The following UPP2 variants were observed in gnomAD, a reference collection of about 807,000 sequenced individuals.
UPP2 encodes the protein uridine phosphorylase 2, also known as UPase 2.
Under a neutral mutation model 26.7 loss-of-function variants are expected in UPP2, and 23 were observed. The observed-to-expected ratio is 0.86, with a 90% CI of 0.62 to 1.22. The LOEUF is 1.22. Among genes scored for constraint, UPP2 ranks in the 50% most tolerant of loss-of-function variants. The pLI is 0.00. For synonymous variants in UPP2, 127 were observed against 141.3 expected (o/e 0.90, Z 0.72); for missense variants, 387 against 396.7 (o/e 0.98, Z 0.21).
chr2:158,084,141 T>A (rs372741127), intron 3 of UPP2, among the ~76,000 whole-genome samples: 1 of 152,122 alleles, frequency 6.6e-6, no homozygotes, highest in African/African-American at 2.4e-5. Context: ...ATAAAAGTGC[T>A]CCCTTTTCAC....
At chr2:158,083,865 T>TATATATATATATATATATATATATATA (rs1553467788) in intron 3 of UPP2, among the ~76,000 whole-genome samples, 23 of 118,732 alleles carry the variant, frequency 1.9e-4, no homozygotes, top group African/African-American at 6.7e-4. Flanking sequence ...TATATATGTT[T>TATATATATATATATATATATATATATA]TTTATATATA....
At chr2:158,090,877 A>G (rs1030633494) in intron 3 of UPP2, among the ~76,000 whole-genome samples, 1 of 152,180 alleles carries the variant, frequency 6.6e-6, no homozygotes, top group Non-Finnish European at 1.5e-5. Flanking sequence ...ATTCTGCAGG[A>G]TGTATACACA....
At chr2:158,105,630 T>A (rs1683176562) in intron 1 of UPP2, among the ~76,000 whole-genome samples, 1 of 152,196 alleles carries the variant, frequency 6.6e-6, no homozygotes, top group East Asian at 1.9e-4. Flanking sequence ...GTTGCACAAT[T>A]AGGATATATA....
chr2:158,136,050 A>C lies in UPP2; in HGVS notation c.*1160A>C, dbSNP rs932751886. 15 of 152,308 alleles carry C rather than the reference A, an allele frequency of 9.8e-5. No individual in the cohort carries two copies. Among genetic ancestry groups the C allele is most frequent in the African/African-American group, 3.1e-4 (13 of 41,566 alleles). 9.4% of individuals were successfully genotyped at this position (152,308 alleles called of 1,614,324 possible). ...CAGGAAATAGGTCCTAGGCCGGTTGAGTCTGAATTGGCCTGCTCCTGGGTG... is the reference window on the plus strand; with the variant it reads ...CAGGAAATAGGTCCTAGGCCGGTTGCGTCTGAATTGGCCTGCTCCTGGGTG... On this transcript the variant is annotated 3_prime_UTR_variant, in exon 7 of 7. Coordinates refer to ENST00000005756, the MANE Select transcript of UPP2 (RefSeq NM_173355.4).
chr2:158,063,382 T>C (rs1005285830), intron 3 of UPP2, among the ~76,000 whole-genome samples: 3 of 152,160 alleles, frequency 2.0e-5, no homozygotes, highest in Admixed American at 6.5e-5. Context: ...TACTCAAATA[T>C]TTTTGAATAA....
At chr2:158,051,032 G>T (rs1477180624) in intron 3 of UPP2, among the ~76,000 whole-genome samples, 2 of 151,700 alleles carry the variant, frequency 1.3e-5, no homozygotes, top group Non-Finnish European at 1.5e-5. Context: ...AGGTACCCCA[G>T]AAATATATAT....
intron 3 of UPP2, among the ~76,000 whole-genome samples, chr2:158,027,067 G>C (rs1247369227): frequency 6.6e-6 from 1 of 152,070 alleles, no homozygotes; most frequent in Non-Finnish European, 1.5e-5. Context: ...TTTGGGTGGG[G>C]ACACAGCCAA....
At chr2:158,060,384 C>T (rs754260444) in intron 3 of UPP2, among the ~76,000 whole-genome samples, 14 of 152,170 alleles carry the variant, frequency 9.2e-5, no homozygotes, top group South Asian at 4.2e-4. Context: ...GTCTGGTGCA[C>T]GGTAAGCTGT....
At chr2:158,019,369 AG>A (rs1683711244) in intron 3 of UPP2, among the ~76,000 whole-genome samples, 1 of 152,054 alleles carries the variant, frequency 6.6e-6, no homozygotes, top group African/African-American at 2.4e-5. Flanking sequence ...CCATTGCTGG[AG>A]GACGGAGCGG....
intron 4 of UPP2, among the ~76,000 whole-genome samples, chr2:158,118,689 T>G (rs1449916985): frequency 6.6e-6 from 1 of 151,918 alleles, no homozygotes; most frequent in Admixed American, 6.6e-5. Context: ...ATGGAGAAGT[T>G]TGGTTGACAG....
Position 158,092,706 on chromosome 2 carries a change from A to C in UPP2, c.148-9334A>C, listed in dbSNP as rs559305197. Reference sequence around the variant, plus strand: ...GTAACCATAAGACTAAAAGGGAGGAAGGGATGAAAACAAGATAGATTAAGT... The same window carrying C: ...GTAACCATAAGACTAAAAGGGAGGACGGGATGAAAACAAGATAGATTAAGT... On this transcript the variant is annotated intron_variant, in intron 3 of 9. Coordinates refer to the UPP2 transcript ENST00000605860. Among the ~76,000 whole-genome samples the C allele has an allele frequency of 2.0e-5, 3 of 152,322 alleles. No homozygotes were observed. In the South Asian group the frequency reaches 6.2e-4, roughly 32 times the overall value.
intron 3 of UPP2, among the ~76,000 whole-genome samples, chr2:158,022,627 A>G (rs1262484822): frequency 6.6e-6 from 1 of 152,152 alleles, no homozygotes; most frequent in Non-Finnish European, 1.5e-5. Flanking sequence ...ATAACCTACC[A>G]TGCTACTTCT....
At chr2:158,062,864 T>C (rs1181575268) in intron 3 of UPP2, among the ~76,000 whole-genome samples, 1 of 152,256 alleles carries the variant, frequency 6.6e-6, no homozygotes, top group African/African-American at 2.4e-5. Flanking sequence ...ACTGCTATAT[T>C]ACCTCAATTT....
intron 3 of UPP2, among the ~76,000 whole-genome samples, chr2:158,079,949 T>C (rs1682694817): frequency 6.6e-6 from 1 of 152,160 alleles, no homozygotes; most frequent in Admixed American, 6.6e-5. Flanking sequence ...AGCGTAATCA[T>C]CATCTGTGTT....
At chr2:158,056,454 A>G (rs1682246963) in intron 3 of UPP2, among the ~76,000 whole-genome samples, 1 of 152,234 alleles carries the variant, frequency 6.6e-6, no homozygotes, top group African/African-American at 2.4e-5. Context: ...TGACCGCTGT[A>G]AAAATTTTTG....
chr2:158,128,897 A>G (rs1683748515), intron 6 of UPP2, among the ~76,000 whole-genome samples: 1 of 151,458 alleles, frequency 6.6e-6, no homozygotes. Context: ...TACTTATTTT[A>G]TAGTATGCAG....
intron 3 of UPP2, among the ~76,000 whole-genome samples, chr2:158,078,288 C>T (rs1044573786): frequency 6.6e-6 from 1 of 152,088 alleles, no homozygotes; most frequent in Non-Finnish European, 1.5e-5. Context: ...TGGGTATATT[C>T]TCAAAAGAAA....
At chr2:158,103,485 T>A (rs1166270482) in intron 1 of UPP2, among the ~76,000 whole-genome samples, 9 of 152,148 alleles carry the variant, frequency 5.9e-5, no homozygotes, top group Non-Finnish European at 1.2e-4. Context: ...GGATAAGTAC[T>A]CTTTAAAGTG....
At chr2:158,042,609 G>T (rs1267916507) in intron 3 of UPP2, among the ~76,000 whole-genome samples, 1 of 152,218 alleles carries the variant, frequency 6.6e-6, no homozygotes, top group African/African-American at 2.4e-5. Context: ...ATCACTGATG[G>T]AATTACTTCT....
Sources: allele counts gnomAD v4.1 joint callset (sites outside exome capture counted in the v4.1 genomes callset), GRCh38; gene constraint gnomAD v4.1.1; transcripts MANE v1.5; gene names NCBI Gene and HGNC (gene_info 2026-07-23, HGNC 2026-07-21).